DNASE1L1: variants seen among roughly 807,000 people sequenced by gnomAD.
The protein encoded by DNASE1L1 is deoxyribonuclease-1-like 1.
Under a neutral mutation model 18.6 loss-of-function variants are expected in DNASE1L1, and 8 were observed. The ratio of observed to expected loss-of-function variants is 0.43; its 90% CI spans 0.25 to 0.78. DNASE1L1 has a LOEUF of 0.78. Among genes scored for constraint, DNASE1L1 ranks in the 30% least tolerant of loss-of-function variants. DNASE1L1 has a pLI of 0.23. For missense variants in DNASE1L1, 214 were observed against 258.2 expected, an observed-to-expected ratio of 0.83 and a Z score of 1.17; for synonymous variants, 114 against 114.2, an observed-to-expected ratio of 1.00 and a Z score of 0.01.
At chrX:154,409,351 C>A (rs782432105), upstream of DNASE1L1, 20 of 220,145 alleles carry the variant, frequency 9.1e-5, 1 homozygote, top group South Asian at 9.2e-4. Context: ...GGCCTGGGAA[C>A]TGCTGACCTG....
rs781910991 is a variant in DNASE1L1, at chrX:154,409,207, A to G, written c.-183T>C. On this transcript the variant is annotated 5_prime_UTR_variant, in exon 1 of 8. Transcript: ENST00000369807. ...CCTGCCTGAATAGGGCTAGGAGGGGAAAAAAAAGAGGAAGAGGCTGTGTTC... is the reference window on the plus strand; with the variant it reads ...CCTGCCTGAATAGGGCTAGGAGGGGGAAAAAAAGAGGAAGAGGCTGTGTTC... 149 of 309,726 alleles carry G rather than the reference A, an allele frequency of 4.8e-4. 1 individual carries two copies. The highest frequency in any genetic ancestry group is 2.1e-3 in the Admixed American group (59 of 28,363). 25.5% of individuals were successfully genotyped at this position (309,726 alleles called of 1,213,427 possible).
At chrX:154,408,617 G>C (rs1261799268) in intron 1 of DNASE1L1, 1 of 112,221 alleles carries the variant, frequency 8.9e-6, no homozygotes, top group African/African-American at 3.2e-5. Flanking sequence ...TTTGCATCCT[G>C]AGGCATGAGT....
In DNASE1L1 at chrX:154,402,414, T is replaced by G. The variant is rs2068061479; in HGVS notation, c.*293A>C. ...TCCTTCTTGTCATACAACATCTTCATTCCTCTTTCTGAACCCTCCCTTCCC... is the reference window on the plus strand; with the variant it reads ...TCCTTCTTGTCATACAACATCTTCAGTCCTCTTTCTGAACCCTCCCTTCCC... On this transcript the variant is annotated 3_prime_UTR_variant, in exon 8 of 8. Coordinates refer to ENST00000369807, the MANE Select transcript of DNASE1L1 (RefSeq NM_001303620.2). 5 of 289,085 alleles carry G rather than the reference T, an allele frequency of 1.7e-5. No individual in the cohort carries two copies. In the South Asian group the frequency reaches 4.5e-4, roughly 26 times the overall value. The allele number at this position is 289,085 out of a possible 1,213,427, so 23.8% of individuals were successfully genotyped here.
upstream of DNASE1L1, among the ~76,000 whole-genome samples, chrX:154,410,804 G>A (rs946005353): frequency 2.7e-5 from 3 of 110,978 alleles, no homozygotes; most frequent in Non-Finnish European, 5.7e-5. Context: ...GCTTGAACCC[G>A]GGAGGCGGAG....
In DNASE1L1 at chrX:154,402,611, T is replaced by C. The variant is rs782422883; in HGVS notation, c.*96A>G. Reference sequence around the variant, plus strand: ...GGGTGGACTACAGTCACAGGGCAACTATAGTTGAAGCCCCCCAGCCCCAGG... The same window carrying C: ...GGGTGGACTACAGTCACAGGGCAACCATAGTTGAAGCCCCCCAGCCCCAGG... On this transcript the variant is annotated 3_prime_UTR_variant, in exon 8 of 8. Coordinates refer to ENST00000369807, the MANE Select transcript of DNASE1L1 (RefSeq NM_001303620.2). The C allele has an allele frequency of 2.9e-5, 26 of 901,917 alleles. No homozygotes were observed. The South Asian group carries it at 6.3e-4, about 22-fold the overall frequency. 74.3% of individuals were successfully genotyped at this position (901,917 alleles called of 1,213,427 possible).
chrX:154,403,826 T>C (rs2068095841), intron 4 of DNASE1L1: 1 of 427,606 alleles, frequency 2.3e-6, no homozygotes, highest in East Asian at 3.9e-5. Flanking sequence ...CACGGTTCTT[T>C]TGTACATTCA....
intron 1 of DNASE1L1, among the ~76,000 whole-genome samples, chrX:154,406,443 T>C (rs1354473402): frequency 4.4e-4 from 45 of 101,467 alleles, no homozygotes; most frequent in African/African-American, 1.5e-3. Context: ...GATCTCGGCT[T>C]ACTGCAACCT....
upstream of DNASE1L1, among the ~76,000 whole-genome samples, chrX:154,411,215 G>C (rs2068275083): frequency 9.1e-6 from 1 of 110,490 alleles, no homozygotes; most frequent in South Asian, 3.8e-4. Flanking sequence ...AGGCCGAGGC[G>C]GGTGGATCAG....
Position 154,405,459 on chromosome X carries a change from T to A in DNASE1L1, c.110A>T (p.Glu37Val). Residue 37 changes from glutamate to valine, a missense_variant, in exon 2 of 8, where the codon GAG becomes GTG. Glu to Val is a moderately radical substitution (Grantham distance 121). Coordinates refer to ENST00000369807, the MANE Select transcript of DNASE1L1 (RefSeq NM_001303620.2). ...QRLTLAKVAR[E>V]QVMDTLVRIL... Reference sequence around the variant, plus strand: ...CCGAACTAAGGTGTCCATCACCTGCTCCCTGGCCACCTTGGCCAGTGTCAG... The same window carrying A: ...CCGAACTAAGGTGTCCATCACCTGCACCCTGGCCACCTTGGCCAGTGTCAG... 1 of 1,198,248 alleles carries A rather than the reference T, an allele frequency of 8.3e-7. No individual in the cohort carries two copies. The highest frequency in any genetic ancestry group is 1.1e-6 in the Non-Finnish European group (1 of 885,495).
rs1557187102 is a variant in DNASE1L1, at chrX:154,402,757, C to G, written c.859G>C (p.Val287Leu). ...AHSVQPLSLT[V>L]LLLLSLLSPQ... Reference sequence around the variant, plus strand: ...GACAGGAGTGATAGCAGCAACAGAACAGTGAGGCTGAGAGGCTGGACGCTG... The same window carrying G: ...GACAGGAGTGATAGCAGCAACAGAAGAGTGAGGCTGAGAGGCTGGACGCTG... The change falls in exon 8 of 8, where the codon GTT (valine) becomes CTT (leucine). Residue 287 changes from valine to leucine, a missense_variant. By Grantham distance (32) the Val-to-Leu change is conservative. Transcript: ENST00000369807. The G allele has an allele frequency of 8.3e-7, 1 of 1,211,726 alleles. No homozygotes were observed. Among genetic ancestry groups the G allele is most frequent in the Admixed American group, 2.2e-5 (1 of 46,079 alleles).
At chrX:154,403,643 G>A in intron 4 of DNASE1L1, 21 bp from the exon 5 acceptor site, 1 of 1,183,024 alleles carries the variant, frequency 8.5e-7, no homozygotes, top group East Asian at 3.0e-5. Context: ...AAAGGGATGG[G>A]CAGCAGTGGC....
In DNASE1L1 at chrX:154,401,695, G is replaced by T. The variant is rs2068040315; in HGVS notation, c.*1012C>A. 1.8e-5 allele frequency: 2 copies of T among 112,033 alleles called. No homozygotes were observed. The highest frequency in any genetic ancestry group is 3.2e-5 in the African/African-American group (1 of 30,771). The allele number at this position is 112,033 out of a possible 1,213,427, so 9.2% of individuals were successfully genotyped here. ...CCAGAGCTGGGGTATGTTGGCCCCA[G>T]CCCCCAGCCTGTGGCTCCCAAAAGG... On this transcript the variant is annotated 3_prime_UTR_variant, in exon 8 of 8. Coordinates refer to ENST00000369807, the MANE Select transcript of DNASE1L1 (RefSeq NM_001303620.2).
chrX:154,410,296 G>A (rs1557189685), upstream of DNASE1L1, among the ~76,000 whole-genome samples: 1 of 111,057 alleles, frequency 9.0e-6, no homozygotes, highest in Non-Finnish European at 1.9e-5. Flanking sequence ...AGGCCAGGTA[G>A]GATGACTCAC....
chrX:154,405,573 G>A lies in DNASE1L1; in HGVS notation c.-5C>T. 1.8e-6 allele frequency: 2 copies of A among 1,138,930 alleles called. No individual in the cohort carries two copies. The highest frequency in any genetic ancestry group is 2.3e-6 in the Non-Finnish European group (2 of 852,735). 93.9% of individuals were successfully genotyped at this position (1,138,930 alleles called of 1,213,427 possible). ...GAGTGCAGTTGGGTAGTGCATGGCT[G>A]TGTGTGGCTGCCGGGGACACCCCAG... On this transcript the variant is annotated 5_prime_UTR_variant, in exon 2 of 8. Coordinates refer to ENST00000369807, the MANE Select transcript of DNASE1L1 (RefSeq NM_001303620.2).
upstream of DNASE1L1, chrX:154,409,577 C>T (rs148724944): frequency 0.011 from 1,377 of 127,706 alleles, 12 homozygotes; most frequent in African/African-American, 0.041. Flanking sequence ...GCCACGAGAC[C>T]GGGCACCCCA....
intron 1 of DNASE1L1, chrX:154,408,599 A>G (rs1176845224): frequency 2.7e-5 from 3 of 111,981 alleles, no homozygotes; most frequent in African/African-American, 9.8e-5. Flanking sequence ...CGCCCTGTCC[A>G]TGTGGCTTTT....
intron 4 of DNASE1L1, 80 bp downstream of exon 4, chrX:154,404,747 GC>G (rs34405240): frequency 2.1e-6 from 2 of 956,360 alleles, no homozygotes; most frequent in African/African-American, 2.0e-5. Flanking sequence ...GGGGCCTGTG[GC>G]CCCGGGGACT....
Position 154,402,599 on chromosome X carries a change from T to A in DNASE1L1, c.*108A>T. ...CAAGGCAGGCAGGGGTGGACTACAG[T>A]CACAGGGCAACTATAGTTGAAGCCC... On this transcript the variant is annotated 3_prime_UTR_variant, in exon 8 of 8. Coordinates refer to ENST00000369807, the MANE Select transcript of DNASE1L1 (RefSeq NM_001303620.2). 1.3e-6 allele frequency: 1 copy of A among 798,518 alleles called. No homozygotes were observed. The highest frequency in any genetic ancestry group is 2.8e-5 in the South Asian group (1 of 36,234). 65.8% of individuals were successfully genotyped at this position (798,518 alleles called of 1,213,427 possible). A position where few individuals can be genotyped will look rare whatever the true frequency, so the allele number is the denominator to read the frequency against.
chrX:154,404,071 A>T (rs2068101139), intron 4 of DNASE1L1, among the ~76,000 whole-genome samples: 1 of 107,973 alleles, frequency 9.3e-6, no homozygotes, highest in Non-Finnish European at 1.9e-5. Flanking sequence ...TCTGTGCTTC[A>T]TTCCTCTTTC....
Sources: allele counts gnomAD v4.1 joint callset (sites outside exome capture counted in the v4.1 genomes callset), GRCh38; gene constraint gnomAD v4.1.1; transcripts MANE v1.5; gene names NCBI Gene and HGNC (gene_info 2026-07-23, HGNC 2026-07-21).